Variants in MAP9 observed in about 807,000 individuals in gnomAD.
MAP9 encodes microtubule-associated protein 9.
In MAP9, 80 loss-of-function variants were observed where a neutral mutation model predicts 75.2. The observed-to-expected ratio is 1.06, with a 90% CI of 0.89 to 1.28. MAP9 has a LOEUF of 1.28. Ranked by LOEUF, MAP9 falls within the 50% of genes most tolerant of loss-of-function variation. MAP9 has a pLI of 0.00. For synonymous variants in MAP9, 235 were observed against 237.3 expected (o/e 0.99, Z 0.09); for missense variants, 753 against 719.9 (o/e 1.05, Z -0.53).
At chr4:155,347,973 T>G in intron 13 of MAP9, 68 bp from the exon 14 acceptor site, 1 of 1,013,606 alleles carries the variant, frequency 9.9e-7, no homozygotes, top group Non-Finnish European at 1.4e-6. Flanking sequence ...TCAGGTTGCT[T>G]GCTGAAGAAC....
rs1366826114 is a variant in MAP9 at position 155,347,398 on chromosome 4, CA to C, written c.*384del. On this transcript the variant is annotated 3_prime_UTR_variant, in exon 14 of 14. Coordinates refer to ENST00000311277, the MANE Select transcript of MAP9 (RefSeq NM_001039580.2). ...ACCTGAATCTAGATTCACAATCATC[CA>C]CAAAAGGAATAATTTCTATCATTAT... 6.4e-6 allele frequency: 1 copy of C among 156,288 alleles called. No individual in the cohort carries two copies. The highest frequency in any genetic ancestry group is 1.4e-5 in the Non-Finnish European group (1 of 70,918). The allele number at this position is 156,288 out of a possible 1,614,324, so 9.7% of individuals were successfully genotyped here.
Position 155,345,458 on chromosome 4 carries a change from TG to T in MAP9, c.*2324del, listed in dbSNP as rs1731250683. The stretch of plus-strand genomic sequence containing the variant: ...TCTGTTTTTTTGTTTTGTTTTGTTT[TG>T]TTTTGTTTTTTTGAGTGTTACAGCC... On this transcript the variant is annotated 3_prime_UTR_variant, in exon 14 of 14. Transcript: ENST00000311277. 3.9e-5 allele frequency: 3 copies of T among 77,566 alleles called. No individual in the cohort carries two copies. Among genetic ancestry groups the T allele is most frequent in the South Asian group, 3.2e-4 (1 of 3,090 alleles). The allele number at this position is 77,566 out of a possible 1,614,324, so 4.8% of individuals were successfully genotyped here.
At chr4:155,347,945 A>G in intron 13 of MAP9, 40 bp from the exon 14 acceptor site, 3 of 1,226,586 alleles carry the variant, frequency 2.4e-6, no homozygotes, top group Non-Finnish European at 3.4e-6. Context: ...ATGTACATAT[A>G]TGATTATTAT....
rs772352395 is a variant in MAP9, at chr4:155,355,805, C to T, written c.1201G>A (p.Gly401Arg). 81 of 1,613,616 alleles carry T rather than the reference C, an allele frequency of 5.0e-5. No homozygotes were observed. The highest frequency in any genetic ancestry group is 6.6e-5 in the Non-Finnish European group (78 of 1,179,810). Reference sequence around the variant, plus strand: ...TTTTGGTCCAAGACTTTTAAAGTCCCTAAATAGTGAGAAGAGGTAGTTGTC... The same window carrying T: ...TTTTGGTCCAAGACTTTTAAAGTCCTTAAATAGTGAGAAGAGGTAGTTGTC... ...PSTTTSSHYL[G>R]TLKVLDQKPS... The change falls in exon 9 of 14, where the codon GGG becomes AGG. Residue 401 changes from glycine (G) to arginine (R), a missense_variant. Transcript: ENST00000311277.
At chr4:155,352,519 T>C (rs1055441608) in intron 13 of MAP9, 77 bp downstream of exon 13, 41 of 1,441,266 alleles carry the variant, frequency 2.8e-5, no homozygotes, top group African/African-American at 1.3e-4. Context: ...CTGGAGCAAA[T>C]AGAATTAGAA....
At chr4:155,359,210 T>TATACACACACACACACAC (rs371399839) in intron 7 of MAP9, among the ~76,000 whole-genome samples, 3 of 145,478 alleles carry the variant, frequency 2.1e-5, no homozygotes, top group African/African-American at 7.6e-5. Flanking sequence ...AAAATGTGTA[T>TATACACACACACACACAC]ACACACACAC....
chr4:155,366,262 A>G (rs546764908), intron 5 of MAP9, among the ~76,000 whole-genome samples: 24 of 151,832 alleles, frequency 1.6e-4, no homozygotes, highest in South Asian at 1.0e-3. Flanking sequence ...GGGAGGCTGA[A>G]GCAGGAGAAT....
At chr4:155,358,939 C>A (rs967172936) in intron 7 of MAP9, among the ~76,000 whole-genome samples, 10 of 151,838 alleles carry the variant, frequency 6.6e-5, no homozygotes, top group Admixed American at 1.3e-4. Context: ...TTGGTGAGAA[C>A]ACAGAGAAAA....
intron 3 of MAP9, among the ~76,000 whole-genome samples, chr4:155,374,410 AAT>A (rs1732745114): frequency 6.6e-6 from 1 of 152,232 alleles, no homozygotes; most frequent in Non-Finnish European, 1.5e-5. Context: ...CTAAAATGTT[AAT>A]ATGTTTACAT....
intron 13 of MAP9, chr4:155,350,044 T>C (rs983435192): frequency 3.7e-5 from 9 of 244,546 alleles, no homozygotes; most frequent in African/African-American, 2.1e-4. Flanking sequence ...CTAAAGGTAA[T>C]GATGAATTAA....
chr4:155,355,994 C>T, intron 8 of MAP9, 110 bp from the exon 9 acceptor site: 1 of 951,546 alleles, frequency 1.1e-6, no homozygotes, highest in Non-Finnish European at 1.5e-6. Context: ...GGCATGATGG[C>T]TCACACCTGT....
intron 5 of MAP9, among the ~76,000 whole-genome samples, chr4:155,366,463 T>C (rs1732335475): frequency 6.6e-6 from 1 of 151,886 alleles, no homozygotes; most frequent in Admixed American, 6.6e-5. Context: ...TGGTGCAAAA[T>C]GATTGCGGTT....
intron 5 of MAP9, chr4:155,368,215 A>C: frequency 3.0e-6 from 1 of 336,762 alleles, no homozygotes; most frequent in East Asian, 4.9e-5. Flanking sequence ...CATAATTCAA[A>C]GATACATAAA....
rs144206878 is a variant in MAP9 at position 155,370,613 on chromosome 4, A to C, written c.482-1801T>G. On this transcript the variant is annotated intron_variant, in intron 4 of 13. Coordinates refer to ENST00000311277, the MANE Select transcript of MAP9 (RefSeq NM_001039580.2). ...TCTTTTGAGCCTCAGTTTAAGCAGA[A>C]TATTATATAATGCCTGAAAGAAGGT... Among the ~76,000 whole-genome samples the C allele has an allele frequency of 3.4e-3, 520 of 152,200 alleles. 3 individuals are homozygous for C. The highest frequency in any genetic ancestry group is 0.011 in the African/African-American group (472 of 41,478).
Position 155,342,848 on chromosome 4 carries a change from T to A in MAP9, c.*4935A>T, listed in dbSNP as rs1215076065. The A allele has an allele frequency of 6.6e-6, 1 of 152,008 alleles. No individual in the cohort carries two copies. The highest frequency in any genetic ancestry group is 1.5e-5 in the Non-Finnish European group (1 of 67,950). The allele number at this position is 152,008 out of a possible 1,614,324, so 9.4% of individuals were successfully genotyped here. ...AGTTTTCTGATATTGTAATACTAGATACAAGATGTCTGAATAACTCCTTAC... is the reference window on the plus strand; with the variant it reads ...AGTTTTCTGATATTGTAATACTAGAAACAAGATGTCTGAATAACTCCTTAC... On this transcript the variant is annotated 3_prime_UTR_variant, in exon 14 of 14. Coordinates refer to ENST00000311277, the MANE Select transcript of MAP9 (RefSeq NM_001039580.2).
At chr4:155,354,258 T>C (rs1208982709) in intron 10 of MAP9, 1 of 152,042 alleles carries the variant, frequency 6.6e-6, no homozygotes, top group Non-Finnish European at 1.5e-5. Context: ...CTTTAGAAGA[T>C]AAGAAATAAC....
chr4:155,372,125 T>C (rs1425448261), intron 4 of MAP9, among the ~76,000 whole-genome samples: 1 of 152,192 alleles, frequency 6.6e-6, no homozygotes, highest in Non-Finnish European at 1.5e-5. Context: ...TCCTGGATAT[T>C]ATTCTAGTGT....
At position 155,343,787 on chromosome 4, in the gene MAP9, C is replaced by T. The variant is rs755016150; in HGVS notation, c.*3996G>A. 2 of 151,708 alleles carry T rather than the reference C, an allele frequency of 1.3e-5. No individual in the cohort carries two copies. The highest frequency in any genetic ancestry group is 2.4e-5 in the African/African-American group (1 of 41,364). The allele number at this position is 151,708 out of a possible 1,614,324, so 9.4% of individuals were successfully genotyped here. The stretch of plus-strand genomic sequence containing the variant: ...AATTTAATACCAAGAATTTTGCCTA[C>T]CCGAGTTAACATTATACAATTACAT... On this transcript the variant is annotated 3_prime_UTR_variant, in exon 14 of 14. Transcript: ENST00000311277.
In MAP9 at chr4:155,345,335, G is replaced by T. The variant is rs1252361456; in HGVS notation, c.*2448C>A. 1 of 151,944 alleles carries T rather than the reference G, an allele frequency of 6.6e-6. No individual in the cohort carries two copies. 9.4% of individuals were successfully genotyped at this position (151,944 alleles called of 1,614,324 possible). A position where few individuals can be genotyped will look rare whatever the true frequency, so the allele number is the denominator to read the frequency against. On this transcript the variant is annotated 3_prime_UTR_variant, in exon 14 of 14. Coordinates refer to ENST00000311277, the MANE Select transcript of MAP9 (RefSeq NM_001039580.2). ...AAAAATTTGAAGTGAATGACTTGTT[G>T]GGTCTATGCAAACACCTCATCCTAC...
Sources: allele counts gnomAD v4.1 joint callset (sites outside exome capture counted in the v4.1 genomes callset), GRCh38; gene constraint gnomAD v4.1.1; transcripts MANE v1.5; gene names NCBI Gene and HGNC (gene_info 2026-07-23, HGNC 2026-07-21).